CD247: variants seen among roughly 807,000 people sequenced by gnomAD.
The protein encoded by CD247 is T-cell surface glycoprotein CD3 zeta chain.
In CD247, 13 loss-of-function variants were observed where a neutral mutation model predicts 30.0. That is an observed-to-expected ratio of 0.43 (90% confidence interval 0.28 to 0.69). The LOEUF (loss-of-function observed/expected upper bound fraction) is 0.69, where lower values mean the gene tolerates loss of function less well. Ranked by LOEUF, CD247 falls within the 30% of genes least tolerant of loss-of-function variation. The pLI is 0.16. For missense variants in CD247, 193 were observed against 212.6 expected, an observed-to-expected ratio of 0.91 and a Z score of 0.57; for synonymous variants, 72 against 80.0, an observed-to-expected ratio of 0.90 and a Z score of 0.53.
At chr1:167,511,195 G>A (rs1317729527) in intron 1 of CD247, among the ~76,000 whole-genome samples, 3 of 152,202 alleles carry the variant, frequency 2.0e-5, no homozygotes, top group Non-Finnish European at 2.9e-5. Flanking sequence ...GAGTCTGTGC[G>A]TGACGGTGTG....
intron 1 of CD247, among the ~76,000 whole-genome samples, chr1:167,449,612 T>C (rs1652259905): frequency 6.6e-6 from 1 of 152,228 alleles, no homozygotes; most frequent in African/African-American, 2.4e-5. Context: ...ATTTATAAAC[T>C]GTAATCATTT....
At chr1:167,470,504 TA>T (rs55679205) in intron 1 of CD247, among the ~76,000 whole-genome samples, 13,573 of 121,446 alleles carry the variant, frequency 0.11, 660 homozygotes, top group Admixed American at 0.2. Flanking sequence ...ATGTTAATTG[TA>T]AAAAAAAAAA....
chr1:167,453,335 T>A (rs1048070013), intron 1 of CD247, among the ~76,000 whole-genome samples: 1 of 152,188 alleles, frequency 6.6e-6, no homozygotes, highest in Non-Finnish European at 1.5e-5. Context: ...AAACAGCTCA[T>A]GTGTCAGAGC....
intron 1 of CD247, among the ~76,000 whole-genome samples, chr1:167,447,966 G>C (rs912882878): frequency 3.4e-5 from 5 of 145,556 alleles, no homozygotes; most frequent in East Asian, 2.1e-4. Flanking sequence ...GCAGCTATGG[G>C]TGGGGGGGTG....
intron 1 of CD247, among the ~76,000 whole-genome samples, chr1:167,493,118 C>T (rs1014968527): frequency 2.1e-5 from 3 of 140,714 alleles, no homozygotes; most frequent in Non-Finnish European, 4.5e-5. Context: ...TCTCGGCTCA[C>T]TGCAACTGCC....
At chr1:167,503,062 A>G (rs1437050414) in intron 1 of CD247, among the ~76,000 whole-genome samples, 1 of 152,230 alleles carries the variant, frequency 6.6e-6, no homozygotes, top group Non-Finnish European at 1.5e-5. Context: ...AGGAATCATT[A>G]TGAGGTTAGC....
chr1:167,456,580 C>G (rs1233672408), intron 1 of CD247, among the ~76,000 whole-genome samples: 1 of 152,324 alleles, frequency 6.6e-6, no homozygotes, highest in East Asian at 1.9e-4. Context: ...ATGAGACTCT[C>G]TGAAGGCCGG....
intron 1 of CD247, among the ~76,000 whole-genome samples, 174 bp from the exon 2 acceptor site, chr1:167,440,941 C>T (rs1463947273): frequency 6.6e-6 from 1 of 152,200 alleles, no homozygotes; most frequent in Non-Finnish European, 1.5e-5. Flanking sequence ...CCTCAACCAG[C>T]TCCTGGAAAA....
chr1:167,451,285 A>T (rs950614556), intron 1 of CD247, among the ~76,000 whole-genome samples: 7 of 152,226 alleles, frequency 4.6e-5, no homozygotes, highest in Non-Finnish European at 7.3e-5. Context: ...AGGACACATT[A>T]TGTTTTTATT....
chr1:167,453,294 G>T (rs577999202), intron 1 of CD247, among the ~76,000 whole-genome samples: 59 of 152,228 alleles, frequency 3.9e-4, no homozygotes, highest in African/African-American at 9.6e-4. Context: ...GAGACTGAAG[G>T]TCAGGGAGGT....
At chr1:167,445,339 A>G (rs1652030972) in intron 1 of CD247, among the ~76,000 whole-genome samples, 1 of 152,090 alleles carries the variant, frequency 6.6e-6, no homozygotes, top group Non-Finnish European at 1.5e-5. Flanking sequence ...CATGATTTCT[A>G]CTTTAAGCCC....
chr1:167,441,316 C>T (rs1052028331), intron 1 of CD247, among the ~76,000 whole-genome samples: 1 of 152,216 alleles, frequency 6.6e-6, no homozygotes, highest in Non-Finnish European at 1.5e-5. Context: ...GTGCCAAGCA[C>T]TCTCCCGCCT....
At chr1:167,451,244 G>A (rs1407703851) in intron 1 of CD247, among the ~76,000 whole-genome samples, 1 of 152,118 alleles carries the variant, frequency 6.6e-6, no homozygotes, top group African/African-American at 2.4e-5. Flanking sequence ...GAATGAGATG[G>A]GGAACAGCTG....
intron 5 of CD247, chr1:167,434,956 CCCTTCCTCCGGAGCCCTCCTCCA>C (rs1651464478): frequency 2.4e-6 from 1 of 414,804 alleles, no homozygotes; most frequent in African/African-American, 2.5e-5. Context: ...CCTCCTCCAG[CCCTTCCTCCGGAGCCCTCCTCCA>C]GCCCTTCCTC....
rs573166948 is a variant in CD247 at position 167,500,126 on chromosome 1, C to T, written c.58+18282G>A. Among the ~76,000 whole-genome samples, 13 of 152,224 alleles carry T rather than the reference C, an allele frequency of 8.5e-5. No homozygotes were observed. In the South Asian group the frequency reaches 2.3e-3, roughly 27 times the overall value. ...TATTCTCTATATCTTGAAATGGAAA[C>T]GCTGAACCCAACTTATTTTACTCAT... is the stretch of plus-strand genomic sequence containing the variant. On this transcript the variant is annotated intron_variant, in intron 1 of 7. Transcript: ENST00000362089.
chr1:167,518,514 G>A lies in CD247; in HGVS notation c.-49C>T, dbSNP rs924218929. 15 of 1,540,774 alleles carry A rather than the reference G, an allele frequency of 9.7e-6. No individual in the cohort carries two copies. The highest frequency in any genetic ancestry group is 2.2e-5 in the East Asian group (1 of 44,546). On this transcript the variant is annotated 5_prime_UTR_variant, in exon 1 of 8. Coordinates refer to ENST00000362089, the MANE Select transcript of CD247 (RefSeq NM_198053.3). ...GCTGGGAGGCAGAGGCTGAGGCAGC[G>A]GTGGCCGGGACGGTTAGGAGAAAAG...
chr1:167,479,259 T>C (rs1315561642), intron 1 of CD247, among the ~76,000 whole-genome samples: 1 of 152,212 alleles, frequency 6.6e-6, no homozygotes, highest in Admixed American at 6.5e-5. Context: ...GATGAGAAAT[T>C]GTTTGTTTCT....
intron 1 of CD247, among the ~76,000 whole-genome samples, chr1:167,500,694 A>C (rs1206942588): frequency 2.0e-5 from 3 of 152,240 alleles, no homozygotes; most frequent in Non-Finnish European, 4.4e-5. Flanking sequence ...TCCTATGACT[A>C]AACTCTCCAT....
At chr1:167,467,542 G>T (rs1653311311) in intron 1 of CD247, among the ~76,000 whole-genome samples, 1 of 152,206 alleles carries the variant, frequency 6.6e-6, no homozygotes, top group Admixed American at 6.5e-5. Context: ...AACTGTTTAC[G>T]TTCCCTCCCC....
Sources: allele counts gnomAD v4.1 joint callset (sites outside exome capture counted in the v4.1 genomes callset), GRCh38; gene constraint gnomAD v4.1.1; transcripts MANE v1.5; gene names NCBI Gene and HGNC (gene_info 2026-07-23, HGNC 2026-07-21).